The following ARHGAP15 variants were observed in gnomAD, a reference collection of about 807,000 sequenced individuals.
ARHGAP15 encodes Rho GTPase activating protein 15.
In ARHGAP15, 51 loss-of-function variants were observed where a neutral mutation model predicts 63.7. That is an observed-to-expected ratio of 0.80 (90% confidence interval 0.64 to 1.01). The LOEUF (loss-of-function observed/expected upper bound fraction) is 1.01. Among genes scored for constraint, ARHGAP15 ranks in the 50% least tolerant of loss-of-function variants. The pLI is 0.00. For synonymous variants in ARHGAP15, 191 were observed against 193.8 expected, an observed-to-expected ratio of 0.99 and a Z score of 0.12; for missense variants, 560 against 564.6, an observed-to-expected ratio of 0.99 and a Z score of 0.08.
chr2:143,472,286 AATT>A (rs1249592976), intron 8 of ARHGAP15, among the ~76,000 whole-genome samples: 3 of 152,018 alleles, frequency 2.0e-5, no homozygotes, highest in African/African-American at 4.8e-5. Flanking sequence ...ATTTTTTTAA[AATT>A]ATTATTAGGA....
intron 10 of ARHGAP15, among the ~76,000 whole-genome samples, chr2:143,541,833 CT>C (rs1695072401): frequency 6.6e-6 from 1 of 152,230 alleles, no homozygotes; most frequent in African/African-American, 2.4e-5. Context: ...CAGGGACCCA[CT>C]TGAGGAGGCA....
chr2:143,423,993 C>G (rs997186022), intron 6 of ARHGAP15, among the ~76,000 whole-genome samples: 2 of 151,938 alleles, frequency 1.3e-5, no homozygotes, highest in African/African-American at 4.8e-5. Flanking sequence ...AGGTTTTATC[C>G]TTGGGATAAA....
At chr2:143,558,003 T>G (rs958677609) in intron 11 of ARHGAP15, among the ~76,000 whole-genome samples, 4 of 151,994 alleles carry the variant, frequency 2.6e-5, no homozygotes, top group Non-Finnish European at 2.9e-5. Flanking sequence ...TTGGAAACAT[T>G]TGGGAAAATT....
At chr2:143,418,913 G>C (rs1464453017) in intron 6 of ARHGAP15, among the ~76,000 whole-genome samples, 1 of 152,100 alleles carries the variant, frequency 6.6e-6, no homozygotes, top group Non-Finnish European at 1.5e-5. Flanking sequence ...ATTTGCTTTG[G>C]GCTAATGGTG....
intron 6 of ARHGAP15, among the ~76,000 whole-genome samples, chr2:143,318,380 A>T (rs1194202337): frequency 6.6e-6 from 1 of 151,898 alleles, no homozygotes. Context: ...TCCAGTGATT[A>T]TGGATATTAT....
intron 11 of ARHGAP15, among the ~76,000 whole-genome samples, chr2:143,615,749 C>G (rs1336799889): frequency 6.6e-6 from 1 of 152,150 alleles, no homozygotes; most frequent in Non-Finnish European, 1.5e-5. Context: ...TTTAAAGCCA[C>G]TATGAAGCAA....
chr2:143,709,916 G>T (rs963978893), intron 13 of ARHGAP15, among the ~76,000 whole-genome samples: 5 of 152,128 alleles, frequency 3.3e-5, no homozygotes, highest in Non-Finnish European at 7.3e-5. Flanking sequence ...CTTCTCTCTG[G>T]TCGTCAGGGG....
chr2:143,419,330 T>A (rs1367065392), intron 6 of ARHGAP15, among the ~76,000 whole-genome samples: 2 of 152,156 alleles, frequency 1.3e-5, no homozygotes, highest in Non-Finnish European at 2.9e-5. Flanking sequence ...AGAAAATGAT[T>A]AGTAATGCAT....
intron 6 of ARHGAP15, among the ~76,000 whole-genome samples, chr2:143,398,960 G>A (rs1687885576): frequency 6.6e-6 from 1 of 152,038 alleles, no homozygotes; most frequent in East Asian, 1.9e-4. Flanking sequence ...AGGCGTTAAA[G>A]ACAGAAGGAC....
At chr2:143,569,365 AT>A (rs1364702520) in intron 11 of ARHGAP15, among the ~76,000 whole-genome samples, 1 of 152,234 alleles carries the variant, frequency 6.6e-6, no homozygotes, top group Non-Finnish European at 1.5e-5. Context: ...AGAAATTATA[AT>A]CAAGATCGTG....
intron 11 of ARHGAP15, among the ~76,000 whole-genome samples, chr2:143,598,286 A>G (rs561982553): frequency 6.6e-6 from 1 of 152,214 alleles, no homozygotes; most frequent in South Asian, 2.1e-4. Flanking sequence ...GTAAAATAAA[A>G]GTCTAGATAC....
intron 2 of ARHGAP15, 85 bp downstream of exon 2, chr2:143,155,740 T>G: frequency 7.2e-7 from 1 of 1,394,368 alleles, no homozygotes; most frequent in Non-Finnish European, 9.6e-7. Flanking sequence ...AGTCTTGTTT[T>G]ATTTGTTTTC....
chr2:143,625,406 T>C lies in ARHGAP15; in HGVS notation c.1138+1139T>C, dbSNP rs145061332. 3.8e-3 allele frequency among the ~76,000 whole-genome samples: 584 copies of C among 152,196 alleles called. 3 individuals carry two copies. The highest frequency in any genetic ancestry group is 6.8e-3 in the Non-Finnish European group (463 of 67,994). ...AACGGTATCAAGAAAAAGAAGAAAT[T>C]TCTCTCCCAAGGTCTTTCTCTTGTT... On this transcript the variant is annotated intron_variant, in intron 12 of 13. Coordinates refer to ENST00000295095, the MANE Select transcript of ARHGAP15 (RefSeq NM_018460.4).
chr2:143,679,814 A>G (rs1387448554), intron 12 of ARHGAP15, among the ~76,000 whole-genome samples: 1 of 152,110 alleles, frequency 6.6e-6, no homozygotes, highest in Non-Finnish European at 1.5e-5. Flanking sequence ...TACATTTACC[A>G]GAATCTATTA....
Position 143,250,579 on chromosome 2 carries a change from G to T in ARHGAP15, c.453G>T (p.Ser151=), listed in dbSNP as rs766871909. 3 of 1,613,064 alleles carry T rather than the reference G, an allele frequency of 1.9e-6. No individual in the cohort carries two copies. Among genetic ancestry groups the T allele is most frequent in the Non-Finnish European group, 2.5e-6 (3 of 1,179,274 alleles). ...ACATTGAATGGGCCAAGGAAAAATC[G>T]AGCAGAAAGAATGTCTTTCAGGTAA... ...GAHIEWAKEK[S]SRKNVFQITT... Residue 151 remains serine (S), a synonymous_variant, in exon 6 of 14, where the codon TCG becomes TCT. Coordinates refer to ENST00000295095, the MANE Select transcript of ARHGAP15 (RefSeq NM_018460.4).
In ARHGAP15 at chr2:143,492,930, C is replaced by T. The variant is rs1692649139; in HGVS notation, c.826+5435C>T. Among the ~76,000 whole-genome samples the T allele has an allele frequency of 4.6e-5, 7 of 151,910 alleles. No individual in the cohort carries two copies. The South Asian group carries it at 1.2e-3, about 27-fold the overall frequency. The stretch of plus-strand genomic sequence containing the variant: ...AAAATTAGCCAGCCGTGGTGGCGGG[C>T]ACCTGTAGTCCCAGCTACTCGGGAG... On this transcript the variant is annotated intron_variant, in intron 9 of 13. Coordinates refer to ENST00000295095, the MANE Select transcript of ARHGAP15 (RefSeq NM_018460.4).
In ARHGAP15 at chr2:143,189,523, C is replaced by CAA. The variant is rs149024464; in HGVS notation, c.166-12610_166-12609insAA. ...CTTTCTTTTTTTTTTTTTTGGGAGA[C>CAA]AGTCTCATTCCTCATTGCAACCTCC... On this transcript the variant is annotated intron_variant, in intron 2 of 13. Coordinates refer to ENST00000295095, the MANE Select transcript of ARHGAP15 (RefSeq NM_018460.4). 9.4e-3 allele frequency among the ~76,000 whole-genome samples: 1,373 copies of CAA among 146,524 alleles called. 29 individuals are homozygous for CAA. Among genetic ancestry groups the CAA allele is most frequent in the African/African-American group, 0.033 (1,303 of 39,630 alleles).
chr2:143,316,193 T>C (rs752588509), intron 6 of ARHGAP15, among the ~76,000 whole-genome samples: 2 of 152,192 alleles, frequency 1.3e-5, no homozygotes, highest in African/African-American at 4.8e-5. Flanking sequence ...ACTTTCCTCC[T>C]AGTTTAGGTA....
intron 9 of ARHGAP15, chr2:143,519,044 A>G (rs1205894532): frequency 2.6e-6 from 1 of 391,842 alleles, no homozygotes; most frequent in Non-Finnish European, 4.8e-6. Flanking sequence ...TGCCTAATCG[A>G]TGCCTGAGCG....
Sources: gnomAD v4.1 joint callset for allele counts (sites outside exome capture counted in the v4.1 genomes callset) on GRCh38, gnomAD v4.1.1 for gene constraint, MANE v1.5 for transcripts, NCBI Gene and HGNC (gene_info 2026-07-23, HGNC 2026-07-21) for gene names.